The following ANKRD53 variants were observed in gnomAD, a reference collection of about 807,000 sequenced individuals.
ANKRD53 encodes ankyrin repeat domain-containing protein 53.
A neutral mutation model predicts 30.1 loss-of-function variants in ANKRD53; 27 were observed. The observed-to-expected ratio is 0.90, with a 90% confidence interval of 0.66 to 1.24. The LOEUF (loss-of-function observed/expected upper bound fraction) is 1.24, where lower values mean the gene tolerates loss of function less well. Ranked by LOEUF, ANKRD53 falls within the 50% of genes most tolerant of loss-of-function variation. ANKRD53 has a pLI of 0.00. For missense variants in ANKRD53, 682 were observed against 721.0 expected, an observed-to-expected ratio of 0.95 and a Z score of 0.62; for synonymous variants, 286 against 295.4, an observed-to-expected ratio of 0.97 and a Z score of 0.33.
intron 3 of ANKRD53, 105 bp downstream of exon 3, chr2:70,979,965 G>A: frequency 7.4e-7 from 1 of 1,356,266 alleles, no homozygotes; most frequent in Non-Finnish European, 1.0e-6. Flanking sequence ...GGTTGCTGGA[G>A]GTGACAAGGA....
At chr2:70,980,805 G>C (rs1460346769) in intron 3 of ANKRD53, among the ~76,000 whole-genome samples, 1 of 151,944 alleles carries the variant, frequency 6.6e-6, no homozygotes, top group Non-Finnish European at 1.5e-5. Flanking sequence ...AGTTAACCGG[G>C]CGTAGTGGCG....
chr2:70,984,154 C>G (rs1553424152), intron 5 of ANKRD53: 6 of 1,614,168 alleles, frequency 3.7e-6, no homozygotes, highest in Middle Eastern at 1.6e-4. Flanking sequence ...TTCCCATTTG[C>G]CTTTTCCCCC....
chr2:70,981,871 C>T, intron 3 of ANKRD53, 65 bp from the exon 4 acceptor site: 1 of 1,455,396 alleles, frequency 6.9e-7, no homozygotes, highest in South Asian at 1.4e-5. Context: ...GTCCATCTAT[C>T]TGATGGACAG....
rs1231494555 is a variant in ANKRD53, at chr2:70,985,092, G to C, written c.1385G>C (p.Arg462Pro). ...FEVLLRMLYP[R>P]VWPYRMKVPQ... ...GTGCTGCTGCGCATGCTGTACCCAC[G>C]TGTATGGCCATACAGAATGAAGGTG... Residue 462 changes from arginine to proline, a missense_variant, in exon 6 of 6, where the codon CGT becomes CCT. Coordinates refer to ENST00000360589, the MANE Select transcript of ANKRD53 (RefSeq NM_001115116.2). The C allele has an allele frequency of 1.5e-5, 23 of 1,550,780 alleles. No homozygotes were observed. In the East Asian group the frequency reaches 5.6e-4, roughly 38 times the overall value.
chr2:70,978,587 G>A (rs1008740234), upstream of ANKRD53: 7 of 1,420,860 alleles, frequency 4.9e-6, no homozygotes, highest in Non-Finnish European at 6.4e-6. The surrounding 1 kb of genome is among the most constrained non-coding windows in gnomAD (Gnocchi z 4.3). Context: ...CCCCGGGGGC[G>A]GGGCGCCGGC....
intron 2 of ANKRD53, 98 bp from the exon 3 acceptor site, chr2:70,979,563 G>A (rs937445490): frequency 1.1e-5 from 16 of 1,429,852 alleles, no homozygotes; most frequent in Non-Finnish European, 1.5e-5. Flanking sequence ...GGGGACACAG[G>A]GAAGAAAGTG....
Position 70,978,841 on chromosome 2 carries a change from G to C in ANKRD53, c.170+26G>C. 6.5e-7 allele frequency: 1 copy of C among 1,547,302 alleles called. No homozygotes were observed. On this transcript the variant is annotated intron_variant, in intron 1 of 5. Transcript: ENST00000360589. This position sits in a 1 kb window ranked among gnomAD's most constrained non-coding sequence, Gnocchi z 4.3. The stretch of plus-strand genomic sequence containing the variant: ...GTGGGTAGCGGGAGAAGGTGTCCCG[G>C]CTGCAGGGAGCGAGAACCCGGCCCA...
chr2:70,982,366 G>A lies in ANKRD53; in HGVS notation c.783-211G>A. 6.5e-6 allele frequency: 5 copies of A among 769,636 alleles called. No homozygotes were observed. The highest frequency in any genetic ancestry group is 2.0e-5 in the South Asian group (1 of 51,162). 47.7% of individuals were successfully genotyped at this position (769,636 alleles called of 1,614,324 possible). A position where few individuals can be genotyped will look rare whatever the true frequency, so the allele number is the denominator to read the frequency against. On this transcript the variant is annotated intron_variant, in intron 4 of 5. Coordinates refer to ENST00000360589, the MANE Select transcript of ANKRD53 (RefSeq NM_001115116.2). This position sits in a 1 kb window ranked among gnomAD's most constrained non-coding sequence, Gnocchi z 4.2. ...GGGCCCCTGGCTCCTCAGCAGGAGG[G>A]TGGTGACCAGGTCATCAAGGACTTT...
intron 3 of ANKRD53, among the ~76,000 whole-genome samples, chr2:70,980,068 C>T (rs780002355): frequency 6.6e-6 from 1 of 152,220 alleles, no homozygotes; most frequent in Admixed American, 6.5e-5. Context: ...ATAATCCCAA[C>T]ACTTTGGAAG....
rs1465884994 is a variant in ANKRD53, at chr2:70,985,193, G to A, written c.1486G>A (p.Asp496Asn). 7.1e-6 allele frequency: 11 copies of A among 1,551,406 alleles called. No homozygotes were observed. Among genetic ancestry groups the A allele is most frequent in the Non-Finnish European group, 9.6e-6 (11 of 1,146,956 alleles). ...RHLGDNTFWTDTLAMNLRDTF... is the reference protein window; with the variant it reads ...RHLGDNTFWTNTLAMNLRDTF... The stretch of plus-strand genomic sequence containing the variant: ...CCTGGGTGACAACACCTTCTGGACC[G>A]ACACTCTGGCCATGAACCTGCGTGA... Residue 496 changes from aspartate to asparagine, a missense_variant, in exon 6 of 6, where the codon GAC (aspartate) becomes AAC (asparagine). By Grantham distance (23) the Asp-to-Asn change is conservative. Transcript: ENST00000360589.
chr2:70,984,832 CA>C lies in ANKRD53; in HGVS notation c.1126del (p.Arg376GlyfsTer51). On this transcript the variant is annotated frameshift_variant, in exon 6 of 6. Coordinates refer to ENST00000360589, the MANE Select transcript of ANKRD53 (RefSeq NM_001115116.2). LOFTEE classifies it low-confidence loss of function (END_TRUNC). ...CCACGGAGATGCCCAAGCCCATCTA[CA>C]GGAAGCCCACGGTCAAGCGGCCCAC... ...QPTEMPKPIYRKPTVKRPTMW... is the reference protein window; with the variant it reads ...QPTEMPKPIYXKPTVKRPTMW... 6.4e-7 allele frequency: 1 copy of C among 1,552,438 alleles called. No homozygotes were observed. Among genetic ancestry groups the C allele is most frequent in the Non-Finnish European group, 8.7e-7 (1 of 1,147,286 alleles).
chr2:70,979,824 T>C lies in ANKRD53; in HGVS notation c.581T>C (p.Ile194Thr), dbSNP rs1180544417. 8.1e-6 allele frequency: 13 copies of C among 1,614,096 alleles called. No homozygotes were observed. Among genetic ancestry groups the C allele is most frequent in the South Asian group, 2.2e-5 (2 of 91,094 alleles). Residue 194 changes from isoleucine to threonine, a missense_variant, in exon 3 of 6, where the codon ATC becomes ACC. Transcript: ENST00000360589. ...AACACCACCGTGGCCCTCCCCTGCA[T>C]CTACTACCTGCTGGAGAAAGGCGCA... ...RDNTTVALPCIYYLLEKGADL... is the reference protein window; with the variant it reads ...RDNTTVALPCTYYLLEKGADL...
chr2:70,978,614 C>T (rs571034495), upstream of ANKRD53: 8,833 of 1,500,842 alleles, frequency 5.9e-3, 43 homozygotes, highest in Non-Finnish European at 7.2e-3. This position sits in a 1 kb window ranked among gnomAD's most constrained non-coding sequence, Gnocchi z 4.3. Flanking sequence ...GTGAGTAGCC[C>T]GCCCGGCCCG....
Position 70,982,778 on chromosome 2 carries a change from G to C in ANKRD53, c.903+81G>C, listed in dbSNP as rs1244344678. On this transcript the variant is annotated intron_variant, in intron 5 of 5. Transcript: ENST00000360589. This position sits in a 1 kb window ranked among gnomAD's most constrained non-coding sequence, Gnocchi z 4.2. ...AGGGGGCAGTGACCCACATATTGTGGAGGAGTGGCTAGAAGCACTCCCACC... is the reference window on the plus strand; with the variant it reads ...AGGGGGCAGTGACCCACATATTGTGCAGGAGTGGCTAGAAGCACTCCCACC... 3.2e-6 allele frequency: 5 copies of C among 1,559,560 alleles called. No homozygotes were observed. The highest frequency in any genetic ancestry group is 1.7e-6 in the Non-Finnish European group (2 of 1,149,804).
upstream of ANKRD53, chr2:70,978,575 GC>G (rs1669894653): frequency 1.4e-6 from 2 of 1,409,664 alleles, no homozygotes; most frequent in Non-Finnish European, 1.8e-6. This position sits in a 1 kb window ranked among gnomAD's most constrained non-coding sequence, Gnocchi z 4.3. Context: ...GCAAGGAGTG[GC>G]CCCCGGGGGC....
rs1553423065 is a variant in ANKRD53, at chr2:70,979,284, G to A, written c.358G>A (p.Val120Met). 3 of 1,613,764 alleles carry A rather than the reference G, an allele frequency of 1.9e-6. No individual in the cohort carries two copies. The East Asian group carries it at 6.7e-5, about 36-fold the overall frequency. Residue 120 changes from valine to methionine, a missense_variant, in exon 2 of 6, where the codon GTG becomes ATG. Physicochemically the swap from Val to Met is conservative, Grantham distance 21. Transcript: ENST00000360589. ...YQLFAAAVGNVEWLRFCLNQS... is the reference protein window; with the variant it reads ...YQLFAAAVGNMEWLRFCLNQS... The stretch of plus-strand genomic sequence containing the variant: ...GCTGTTCGCAGCGGCTGTGGGCAAC[G>A]TGGAATGGCTGCGATTCTGTCTGAA...
In ANKRD53 at chr2:70,979,742, G is replaced by A. The variant is rs1006652499; in HGVS notation, c.499G>A (p.Val167Met). 12 of 1,614,108 alleles carry A rather than the reference G, an allele frequency of 7.4e-6. No individual in the cohort carries two copies. The highest frequency in any genetic ancestry group is 1.7e-5 in the Admixed American group (1 of 60,002). ...CCTGGTAGAGGAGTACAAGTTTCCC[G>A]TGGACCTGCTGACCAACAATAGCCA... is the stretch of plus-strand genomic sequence containing the variant. ...QVLVEEYKFP[V>M]DLLTNNSQTP... Residue 167 changes from valine (V) to methionine (M), a missense_variant, in exon 3 of 6, where the codon GTG becomes ATG. By Grantham distance (21) the Val-to-Met change is conservative. Transcript: ENST00000360589.
chr2:70,978,523 A>G, upstream of ANKRD53: 3 of 1,206,016 alleles, frequency 2.5e-6, no homozygotes, highest in Non-Finnish European at 3.3e-6. This position sits in a 1 kb window ranked among gnomAD's most constrained non-coding sequence, Gnocchi z 4.3. Context: ...AGGCAGCCGA[A>G]CCCTAGCGGC....
rs556018051 is a variant in ANKRD53 at position 70,985,010 on chromosome 2, C to T, written c.1303C>T (p.Arg435Trp). Residue 435 changes from arginine to tryptophan, a missense_variant, in exon 6 of 6, where the codon CGG becomes TGG. By Grantham distance (101) the Arg-to-Trp change is moderately radical (BLOSUM62 -3). Transcript: ENST00000360589. ...GAGGCCTGATGGGCACGGCGGTGCG[C>T]GGCTGCACACAGTGGACGGCCACTG... ...EVRPDGHGGA[R>W]LHTVDGHWVA... 6 of 1,548,818 alleles carry T rather than the reference C, an allele frequency of 3.9e-6. No individual in the cohort carries two copies. Among genetic ancestry groups the T allele is most frequent in the South Asian group, 1.2e-5 (1 of 83,918 alleles).
Sources: gnomAD v4.1 joint callset for allele counts (sites outside exome capture counted in the v4.1 genomes callset) on GRCh38, gnomAD v4.1.1 for gene constraint, Gnocchi (gnomAD v3.1) non-coding constraint, MANE v1.5 for transcripts, NCBI Gene and HGNC (gene_info 2026-07-23, HGNC 2026-07-21) for gene names.